The following TOX variants were observed in gnomAD, a reference collection of about 807,000 sequenced individuals.
TOX encodes the protein thymocyte selection-associated high mobility group box protein TOX.
A neutral mutation model predicts 53.7 loss-of-function variants in TOX; 11 were observed. The ratio of observed to expected loss-of-function variants is 0.20; its 90% CI spans 0.13 to 0.34. The LOEUF (loss-of-function observed/expected upper bound fraction) is 0.34. Among genes scored for constraint, TOX ranks in the 10% least tolerant of loss-of-function variants. The pLI is 1.00. For synonymous variants in TOX, 225 were observed against 245.3 expected, an observed-to-expected ratio of 0.92 and a Z score of 0.77; for missense variants, 570 against 664.6, an observed-to-expected ratio of 0.86 and a Z score of 1.56.
At chr8:59,092,265 TTATATATATATATATATTA>T (rs1276014953) in intron 1 of TOX, among the ~76,000 whole-genome samples, 2 of 89,928 alleles carry the variant, frequency 2.2e-5, no homozygotes, top group East Asian at 2.7e-4. Context: ...TATATATATT[TTATATATATATATATATTA>T]TATATACATT....
intron 1 of TOX, among the ~76,000 whole-genome samples, chr8:59,001,279 C>A (rs1813684185): frequency 6.6e-6 from 1 of 152,144 alleles, no homozygotes; most frequent in Non-Finnish European, 1.5e-5. Flanking sequence ...ACAACAGCCA[C>A]CTCACAATTG....
chr8:58,946,438 G>T (rs1014360912), intron 2 of TOX, among the ~76,000 whole-genome samples: 1 of 152,118 alleles, frequency 6.6e-6, no homozygotes, highest in East Asian at 1.9e-4. Context: ...GCATGAACAA[G>T]GGTTGATAGC....
chr8:58,858,270 T>G (rs1442867966), intron 3 of TOX, among the ~76,000 whole-genome samples: 1 of 152,226 alleles, frequency 6.6e-6, no homozygotes, highest in African/African-American at 2.4e-5. Context: ...GGGCCTGCCT[T>G]TCAGTGTTTA....
At chr8:59,051,390 C>A (rs1000004908) in intron 1 of TOX, among the ~76,000 whole-genome samples, 2 of 152,070 alleles carry the variant, frequency 1.3e-5, no homozygotes, top group African/African-American at 2.4e-5. Flanking sequence ...ATGGACGTTG[C>A]GGTATCTCCA....
chr8:58,865,292 T>C (rs1334450169), intron 3 of TOX, among the ~76,000 whole-genome samples: 1 of 152,182 alleles, frequency 6.6e-6, no homozygotes, highest in Non-Finnish European at 1.5e-5. Flanking sequence ...TGTCTCAGAA[T>C]AAGAATTCAA....
At chr8:58,930,418 C>T (rs917847509) in intron 3 of TOX, among the ~76,000 whole-genome samples, 4 of 152,214 alleles carry the variant, frequency 2.6e-5, no homozygotes, top group African/African-American at 9.6e-5. Flanking sequence ...TCTAGGTCCT[C>T]TTTCCTGTAA....
intron 1 of TOX, among the ~76,000 whole-genome samples, chr8:59,057,982 CTA>C: frequency 6.6e-6 from 1 of 152,066 alleles, no homozygotes; most frequent in Non-Finnish European, 1.5e-5. Context: ...AGAATGTGGA[CTA>C]CAGGTCAATC....
intron 8 of TOX, among the ~76,000 whole-genome samples, 163 bp from the exon 9 acceptor site, chr8:58,807,946 A>G (rs1810008521): frequency 6.6e-6 from 1 of 152,212 alleles, no homozygotes; most frequent in South Asian, 2.1e-4. Context: ...AGCTAAAGGC[A>G]TTTATTCTTG....
At chr8:58,878,920 G>T (rs760311021) in intron 3 of TOX, among the ~76,000 whole-genome samples, 1 of 151,972 alleles carries the variant, frequency 6.6e-6, no homozygotes, top group Non-Finnish European at 1.5e-5. Flanking sequence ...AATTAGCCAG[G>T]TGTGGTGGCG....
chr8:59,083,133 T>C (rs1185922918), intron 1 of TOX, among the ~76,000 whole-genome samples: 1 of 151,582 alleles, frequency 6.6e-6, no homozygotes. Context: ...CCAAGAAGAG[T>C]TGTCTTAATA....
At position 59,117,333 on chromosome 8, in the gene TOX, C is replaced by A. The variant is rs1051833602; in HGVS notation, c.102+1553G>T. On this transcript the variant is annotated intron_variant, in intron 1 of 8. Transcript: ENST00000361421. This position sits in a 1 kb window ranked among gnomAD's most constrained non-coding sequence, Gnocchi z 4.6. ...TAATGAAACTTCATCACACAAACTCCTATGCGCTTGCCAAAGTTCCCCGTA... is the reference window on the plus strand; with the variant it reads ...TAATGAAACTTCATCACACAAACTCATATGCGCTTGCCAAAGTTCCCCGTA... Among the ~76,000 whole-genome samples the A allele has an allele frequency of 6.6e-6, 1 of 152,234 alleles. No homozygotes were observed. Among genetic ancestry groups the A allele is most frequent in the African/African-American group, 2.4e-5 (1 of 41,456 alleles).
intron 4 of TOX, among the ~76,000 whole-genome samples, chr8:58,840,233 C>G (rs115218060): frequency 2.0e-5 from 3 of 152,098 alleles, no homozygotes; most frequent in African/African-American, 7.2e-5. Context: ...GAATATCATT[C>G]TGAAATTGTC....
chr8:58,974,675 T>C (rs963306950), intron 1 of TOX, among the ~76,000 whole-genome samples: 16 of 149,336 alleles, frequency 1.1e-4, no homozygotes, highest in African/African-American at 2.4e-4. Context: ...TCGGTGACTA[T>C]AGAATAACAA....
chr8:59,020,675 A>G (rs1309281881), intron 1 of TOX, among the ~76,000 whole-genome samples: 1 of 152,138 alleles, frequency 6.6e-6, no homozygotes, highest in African/African-American at 2.4e-5. Context: ...TTGCCTTTAC[A>G]TACCATGTGC....
chr8:58,904,303 A>ATT (rs35666441), intron 3 of TOX, among the ~76,000 whole-genome samples: 31 of 140,936 alleles, frequency 2.2e-4, no homozygotes, highest in African/African-American at 7.7e-4. Context: ...TAGACGACAT[A>ATT]TTTTTTTTTT....
chr8:58,827,085 C>T (rs1460785395), intron 5 of TOX, among the ~76,000 whole-genome samples, 183 bp from the exon 6 acceptor site: 6 of 151,172 alleles, frequency 4.0e-5, no homozygotes, highest in African/African-American at 9.7e-5. Flanking sequence ...TGGCAATAGA[C>T]TAGAAAAGAA....
chr8:59,007,455 A>G (rs1813813354), intron 1 of TOX, among the ~76,000 whole-genome samples: 1 of 152,172 alleles, frequency 6.6e-6, no homozygotes, highest in African/African-American at 2.4e-5. Context: ...TAAGAACAGT[A>G]TATCTAACTG....
chr8:59,111,922 C>A (rs1018144346), intron 1 of TOX, among the ~76,000 whole-genome samples: 4 of 152,022 alleles, frequency 2.6e-5, no homozygotes, highest in African/African-American at 9.7e-5. Flanking sequence ...AAAAAACAAA[C>A]AAACAGAAAA....
At chr8:58,898,892 G>A (rs1255291797) in intron 3 of TOX, among the ~76,000 whole-genome samples, 1 of 152,140 alleles carries the variant, frequency 6.6e-6, no homozygotes, top group Non-Finnish European at 1.5e-5. Flanking sequence ...TTAAACGGAG[G>A]TGTTTGTACA....
Sources: gnomAD v4.1 joint callset for allele counts (sites outside exome capture counted in the v4.1 genomes callset) on GRCh38, gnomAD v4.1.1 for gene constraint, Gnocchi (gnomAD v3.1) non-coding constraint, MANE v1.5 for transcripts, NCBI Gene and HGNC (gene_info 2026-07-23, HGNC 2026-07-21) for gene names.